The following SERPINB5 variants were observed in gnomAD, a reference collection of about 807,000 sequenced individuals.
The protein encoded by SERPINB5 is serpin B5.
In SERPINB5, 27 loss-of-function variants were observed where a neutral mutation model predicts 32.2. The observed-to-expected ratio is 0.84, with a 90% confidence interval of 0.62 to 1.16. The LOEUF (loss-of-function observed/expected upper bound fraction) is 1.16, where lower values mean the gene tolerates loss of function less well. Among genes scored for constraint, SERPINB5 ranks in the 50% most tolerant of loss-of-function variants. The pLI, the probability that SERPINB5 is intolerant of heterozygous loss-of-function variation, is 0.00. For missense variants in SERPINB5, 388 were observed against 436.3 expected, an observed-to-expected ratio of 0.89 and a Z score of 0.99; for synonymous variants, 154 against 157.4, an observed-to-expected ratio of 0.98 and a Z score of 0.16.
chr18:63,496,705 C>G (rs143681428), intron 5 of SERPINB5, among the ~76,000 whole-genome samples: 1 of 152,290 alleles, frequency 6.6e-6, no homozygotes. Flanking sequence ...GAAATTTCTC[C>G]CCAAAGAGAT....
At chr18:63,489,976 A>G (rs1240330590) in intron 4 of SERPINB5, among the ~76,000 whole-genome samples, 1 of 152,190 alleles carries the variant, frequency 6.6e-6, no homozygotes, top group Non-Finnish European at 1.5e-5. Context: ...GCGGATCACG[A>G]GGTCAGGAGA....
Position 63,487,037 on chromosome 18 carries a change from A to G in SERPINB5, c.260A>G (p.Lys87Arg). The G allele has an allele frequency of 6.2e-7, 1 of 1,614,186 alleles. No individual in the cohort carries two copies. Among genetic ancestry groups the G allele is most frequent in the South Asian group, 1.1e-5 (1 of 91,082 alleles). ...AAACTTAGTTCCTTTTACTCACTGA[A>G]ACTAATCAAGCGGCTCTACGTAGAC... Reference protein sequence around the residue: ...VNKLSSFYSLKLIKRLYVDKS... With the variant: ...VNKLSSFYSLRLIKRLYVDKS... Residue 87 changes from lysine to arginine, a missense_variant, in exon 3 of 7, where the codon AAA becomes AGA. By Grantham distance (26) the Lys-to-Arg change is conservative. Coordinates refer to ENST00000382771, the MANE Select transcript of SERPINB5 (RefSeq NM_002639.5).
chr18:63,489,298 G>A, intron 3 of SERPINB5, 49 bp from the exon 4 acceptor site: 3 of 1,029,174 alleles, frequency 2.9e-6, no homozygotes, highest in Non-Finnish European at 4.5e-6. Flanking sequence ...GAATAACAAT[G>A]CAATAGCTTG....
intron 5 of SERPINB5, 48 bp from the exon 6 acceptor site, chr18:63,499,072 T>A (rs1328242209): frequency 9.7e-7 from 1 of 1,029,612 alleles, no homozygotes. Flanking sequence ...TATATATTTA[T>A]GCATGTGTAA....
chr18:63,501,297 G>A (rs957544941), intron 6 of SERPINB5, among the ~76,000 whole-genome samples: 1 of 150,472 alleles, frequency 6.6e-6, no homozygotes, highest in Non-Finnish European at 1.5e-5. Context: ...TGCAGTGTTT[G>A]GTTTGTTGTC....
chr18:63,500,431 T>C (rs1482417693), intron 6 of SERPINB5, among the ~76,000 whole-genome samples: 2 of 152,154 alleles, frequency 1.3e-5, no homozygotes, highest in African/African-American at 2.4e-5. Flanking sequence ...TACACATATA[T>C]GCTTCAAAAT....
intron 6 of SERPINB5, among the ~76,000 whole-genome samples, chr18:63,499,997 CTATTATTAT>C (rs71162648): frequency 0.4 from 60,181 of 149,626 alleles, 12,939 homozygotes; most frequent in Non-Finnish European, 0.49. Context: ...TGACATATTA[CTATTATTAT>C]TATTATTATT....
Position 63,498,011 on chromosome 18 carries a change from A to T in SERPINB5, c.568-1109A>T, listed in dbSNP as rs553838013. On this transcript the variant is annotated intron_variant, in intron 5 of 6. Coordinates refer to ENST00000382771, the MANE Select transcript of SERPINB5 (RefSeq NM_002639.5). The surrounding 1 kb of genome is among the most constrained non-coding windows in gnomAD (Gnocchi z 4.2). ...GTGGCAGTACAGTGGGGAGTGGGCA[A>T]TTCAAACCAAAGACAAACAGAGAGG... is the stretch of plus-strand genomic sequence containing the variant. Among the ~76,000 whole-genome samples the T allele has an allele frequency of 1.3e-5, 2 of 152,308 alleles. No homozygotes were observed. The highest frequency in any genetic ancestry group is 3.9e-4 in the East Asian group (2 of 5,188).
chr18:63,478,685 T>A (rs1165121594), intron 1 of SERPINB5, among the ~76,000 whole-genome samples: 1 of 152,150 alleles, frequency 6.6e-6, no homozygotes, highest in Non-Finnish European at 1.5e-5. Context: ...TTTTTCACCA[T>A]GTCTTTCCAT....
rs755308035 is a variant in SERPINB5, at chr18:63,487,094, T to C, written c.306+11T>C. The C allele has an allele frequency of 6.2e-7, 1 of 1,612,042 alleles. No homozygotes were observed. The highest frequency in any genetic ancestry group is 1.7e-5 in the Admixed American group (1 of 59,598). ...CTGAATCTTTCTACAGTAAGTTGTT[T>C]AAAGCAAGTAGCAAGACTTAACTTT... On this transcript the variant is annotated intron_variant, in intron 3 of 6. Transcript: ENST00000382771.
At chr18:63,481,424 A>T (rs1917125417) in intron 1 of SERPINB5, among the ~76,000 whole-genome samples, 1 of 152,204 alleles carries the variant, frequency 6.6e-6, no homozygotes, top group African/African-American at 2.4e-5. Flanking sequence ...ATGCAAAATT[A>T]TTCTAGTTTC....
At chr18:63,487,347 T>C (rs1173205290) in intron 3 of SERPINB5, among the ~76,000 whole-genome samples, 1 of 152,184 alleles carries the variant, frequency 6.6e-6, no homozygotes, top group Admixed American at 6.5e-5. Flanking sequence ...TTTACCTTCC[T>C]CTGAGAGAAT....
At chr18:63,489,496 C>T in intron 4 of SERPINB5, 32 bp downstream of exon 4, 1 of 1,279,562 alleles carries the variant, frequency 7.8e-7, no homozygotes, top group African/African-American at 1.5e-5. Context: ...TGCTATCAAT[C>T]ACCAAGTAAA....
chr18:63,497,047 G>T (rs976245523), intron 5 of SERPINB5: 4 of 565,124 alleles, frequency 7.1e-6, no homozygotes, highest in Non-Finnish European at 1.0e-5. Context: ...TGTACTAGGG[G>T]TCTAATCCGG....
chr18:63,493,248 G>C (rs1276690417), intron 5 of SERPINB5, 153 bp downstream of exon 5: 7 of 943,398 alleles, frequency 7.4e-6, no homozygotes, highest in African/African-American at 1.7e-5. Context: ...AAGGTAAGTG[G>C]TACAAAAAGA....
intron 5 of SERPINB5, chr18:63,496,966 G>A: frequency 2.1e-6 from 1 of 477,052 alleles, no homozygotes; most frequent in Non-Finnish European, 4.1e-6. Context: ...GAGACCAAGG[G>A]CTAAAGTTGG....
intron 6 of SERPINB5, among the ~76,000 whole-genome samples, chr18:63,499,971 A>G (rs1909537349): frequency 6.6e-6 from 1 of 150,568 alleles, no homozygotes; most frequent in Non-Finnish European, 1.5e-5. Context: ...GTTTGTTACA[A>G]TTGATGAGCC....
At chr18:63,502,971 C>T (rs533235230) in intron 6 of SERPINB5, among the ~76,000 whole-genome samples, 44 of 152,122 alleles carry the variant, frequency 2.9e-4, no homozygotes, top group Non-Finnish European at 5.7e-4. Flanking sequence ...TTGCAATGAG[C>T]GACGATCACA....
At chr18:63,483,369 T>A (rs1355725650) in intron 1 of SERPINB5, among the ~76,000 whole-genome samples, 1 of 152,232 alleles carries the variant, frequency 6.6e-6, no homozygotes, top group East Asian at 1.9e-4. Context: ...TACACACAGA[T>A]GCGTATTATA....
Sources: gnomAD v4.1 joint callset for allele counts (sites outside exome capture counted in the v4.1 genomes callset) on GRCh38, gnomAD v4.1.1 for gene constraint, Gnocchi (gnomAD v3.1) non-coding constraint, MANE v1.5 for transcripts, NCBI Gene and HGNC (gene_info 2026-07-23, HGNC 2026-07-21) for gene names.